Variants in ZNF410 observed in about 807,000 individuals in gnomAD.
ZNF410 encodes zinc finger protein 410, also known as another partner for ARF 1.
ZNF410 carries 18 observed loss-of-function variants against 54.8 expected under a neutral mutation model. That is an observed-to-expected ratio of 0.33 (90% CI 0.23 to 0.49). The LOEUF (loss-of-function observed/expected upper bound fraction) is 0.49. ZNF410 is among the 20% of genes least tolerant of loss of function. The pLI is 0.99. For missense variants in ZNF410, 405 were observed against 569.6 expected (o/e 0.71, Z 2.94); for synonymous variants, 191 against 207.3 (o/e 0.92, Z 0.68).
intron 9 of ZNF410, 131 bp from the exon 10 acceptor site, chr14:73,921,935 A>G: frequency 2.0e-6 from 2 of 991,654 alleles, no homozygotes; most frequent in South Asian, 1.7e-5. Context: ...AGTAGGTGAA[A>G]TAGGGGGTGG....
intron 5 of ZNF410, among the ~76,000 whole-genome samples, chr14:73,901,998 T>A (rs1278361298): frequency 1.3e-5 from 2 of 150,524 alleles, no homozygotes; most frequent in African/African-American, 4.9e-5. Context: ...TCATTAGAAA[T>A]CAATTAGCTG....
In ZNF410 at chr14:73,898,119, A is replaced by G. The variant is rs1324680876; in HGVS notation, c.437A>G (p.Glu146Gly). ...EHLVFVQDEA[E>G]DSGNDFLSSE... ...TTAGTGTTTGTACAGGATGAGGCAG[A>G]AGATTCAGGGAATGATTTCCTCTCC... Residue 146 changes from glutamate (E) to glycine (G), a missense_variant, in exon 5 of 12, where the codon GAA (glutamate) becomes GGA (glycine). This residue lies in a region of ZNF410 where 247 missense variants were observed against 342.8 expected (regional missense o/e 0.72). Coordinates refer to ENST00000555044, the MANE Select transcript of ZNF410 (RefSeq NM_021188.3). 3.1e-6 allele frequency: 5 copies of G among 1,614,186 alleles called. No homozygotes were observed. In the East Asian group the frequency reaches 8.9e-5, roughly 29 times the overall value.
chr14:73,893,083 A>G (rs553275361), intron 2 of ZNF410, among the ~76,000 whole-genome samples: 2 of 152,104 alleles, frequency 1.3e-5, no homozygotes, highest in African/African-American at 4.8e-5. Flanking sequence ...CTCTGTCTCA[A>G]AAAAAAATAC....
chr14:73,897,990 A>G (rs991841108), intron 4 of ZNF410, 81 bp from the exon 5 acceptor site: 34 of 1,187,350 alleles, frequency 2.9e-5, no homozygotes, highest in African/African-American at 2.2e-4. Flanking sequence ...AAAAAAAAAA[A>G]GGGACATGGA....
chr14:73,892,924 C>CA (rs1188869591), intron 2 of ZNF410, among the ~76,000 whole-genome samples: 1 of 151,894 alleles, frequency 6.6e-6, no homozygotes, highest in South Asian at 2.1e-4. Flanking sequence ...ACTAAAAATA[C>CA]AAAAAAAATT....
At chr14:73,909,832 T>G (rs543836988) in intron 8 of ZNF410, among the ~76,000 whole-genome samples, 3 of 152,218 alleles carry the variant, frequency 2.0e-5, no homozygotes, top group African/African-American at 4.8e-5. Context: ...TATTACTGCC[T>G]TCTGAGCAGG....
chr14:73,919,443 C>G (rs184797485), intron 8 of ZNF410, among the ~76,000 whole-genome samples: 1 of 152,062 alleles, frequency 6.6e-6, no homozygotes. Flanking sequence ...GCCCTTGCCC[C>G]GTAGCCGCTT....
intron 7 of ZNF410, among the ~76,000 whole-genome samples, chr14:73,907,582 G>A (rs565028919): frequency 2.8e-4 from 42 of 151,376 alleles, no homozygotes; most frequent in African/African-American, 1.0e-3. Context: ...GAGACAGAGC[G>A]AGACTCCATC....
chr14:73,926,334 A>G (rs866671116), intron 11 of ZNF410, among the ~76,000 whole-genome samples: 2 of 151,888 alleles, frequency 1.3e-5, no homozygotes, highest in Non-Finnish European at 2.9e-5. Context: ...CAATGTCTGT[A>G]TATTGCATTT....
rs1009991388 is a variant in ZNF410, at chr14:73,887,821, A to T, written c.-150+906A>T. ...ACGTTTTGCATCTAAGTAGATGTCT[A>T]ATTTTTGGCAAGTTGCTGAATCTCT... is the stretch of plus-strand genomic sequence containing the variant. On this transcript the variant is annotated intron_variant, in intron 1 of 11. Coordinates refer to ENST00000555044, the MANE Select transcript of ZNF410 (RefSeq NM_021188.3). Among the ~76,000 whole-genome samples, 6 of 152,304 alleles carry T rather than the reference A, an allele frequency of 3.9e-5. No individual in the cohort carries two copies. In the South Asian group the frequency reaches 1.0e-3, roughly 26 times the overall value.
intron 5 of ZNF410, 74 bp from the exon 6 acceptor site, chr14:73,903,881 ATATAG>A (rs1163723086): frequency 1.6e-5 from 25 of 1,552,228 alleles, no homozygotes; most frequent in Non-Finnish European, 4.4e-6. Flanking sequence ...TAGGAGTAAA[ATATAG>A]GAGCTTTATT....
At chr14:73,888,419 A>G (rs1438977752) in intron 1 of ZNF410, 4 of 152,164 alleles carry the variant, frequency 2.6e-5, no homozygotes, top group Non-Finnish European at 5.9e-5. Flanking sequence ...AGTACCTACC[A>G]GTTGCTTACT....
chr14:73,921,202 G>C (rs1341109423), intron 9 of ZNF410, 97 bp downstream of exon 9: 9 of 1,529,766 alleles, frequency 5.9e-6, no homozygotes, highest in Non-Finnish European at 5.3e-6. Flanking sequence ...TTCTGATTCT[G>C]TTTTGGGTAG....
chr14:73,921,302 T>C, intron 9 of ZNF410, 197 bp downstream of exon 9: 1 of 543,804 alleles, frequency 1.8e-6, no homozygotes, highest in East Asian at 3.6e-5. Flanking sequence ...TATATACTTT[T>C]TGTTGCTTGT....
intron 3 of ZNF410, 37 bp from the exon 4 acceptor site, chr14:73,896,279 G>A: frequency 6.5e-7 from 1 of 1,539,476 alleles, no homozygotes. Context: ...CCTAGAGATA[G>A]GTGCTACATA....
chr14:73,893,556 C>A, intron 2 of ZNF410: 1 of 388,982 alleles, frequency 2.6e-6, no homozygotes, highest in Non-Finnish European at 4.5e-6. Flanking sequence ...CTCACAGGAC[C>A]ATCATCCTAT....
At chr14:73,913,713 C>A (rs111777531) in intron 8 of ZNF410, 7 of 152,360 alleles carry the variant, frequency 4.6e-5, no homozygotes, top group African/African-American at 1.7e-4. Context: ...TCCTCCTGTT[C>A]TCCGTATCAG....
chr14:73,901,617 T>C (rs915535452), intron 5 of ZNF410, among the ~76,000 whole-genome samples: 1 of 151,792 alleles, frequency 6.6e-6, no homozygotes, highest in African/African-American at 2.4e-5. Context: ...CTACTATCAC[T>C]GATTTGAATC....
chr14:73,927,137 G>A, intron 11 of ZNF410: 1 of 203,124 alleles, frequency 4.9e-6, no homozygotes, highest in Non-Finnish European at 1.1e-5. Context: ...CCAGGCTGGA[G>A]TGCAGTGGCA....
Sources: gnomAD v4.1 joint callset for allele counts (sites outside exome capture counted in the v4.1 genomes callset) on GRCh38, gnomAD v4.1.1 for gene constraint, gnomAD v4.1.1 regional missense constraint, MANE v1.5 for transcripts, NCBI Gene and HGNC (gene_info 2026-07-23, HGNC 2026-07-21) for gene names.